The following SPTBN1 variants were observed in gnomAD, a reference collection of about 807,000 sequenced individuals.
SPTBN1 encodes spectrin beta, non-erythrocytic 1.
Under a neutral mutation model 266.4 loss-of-function variants are expected in SPTBN1, and 32 were observed. That is an observed-to-expected ratio of 0.12 (90% CI 0.09 to 0.16). SPTBN1 has a LOEUF of 0.16. Among genes scored for constraint, SPTBN1 ranks in the 10% least tolerant of loss-of-function variants. The pLI is 1.00. For missense variants in SPTBN1, 2,296 were observed against 3,067.1 expected, an observed-to-expected ratio of 0.75 and a Z score of 5.94; for synonymous variants, 1,336 against 1,162.2, an observed-to-expected ratio of 1.15 and a Z score of -3.04.
At position 54,626,580 on chromosome 2, in the gene SPTBN1, A is replaced by T. The variant is rs1310331742; in HGVS notation, c.1644+346A>T. Reference sequence around the variant, plus strand: ...CATTGATCTGTGAGTGAGTGGTACTACTTTGGGCAGGGGTCCCGGAGAGGT... The same window carrying T: ...CATTGATCTGTGAGTGAGTGGTACTTCTTTGGGCAGGGGTCCCGGAGAGGT... On this transcript the variant is annotated intron_variant, in intron 12 of 35. Coordinates refer to ENST00000356805, the MANE Select transcript of SPTBN1 (RefSeq NM_003128.3). This position sits in a 1 kb window ranked among gnomAD's most constrained non-coding sequence, Gnocchi z 4.7. Among the ~76,000 whole-genome samples, 1 of 152,104 alleles carries T rather than the reference A, an allele frequency of 6.6e-6. No homozygotes were observed. The highest frequency in any genetic ancestry group is 1.5e-5 in the Non-Finnish European group (1 of 68,014).
chr2:54,662,200 A>G (rs1455516045), intron 32 of SPTBN1: 1 of 985,306 alleles, frequency 1.0e-6, no homozygotes, highest in Non-Finnish European at 1.2e-6. Flanking sequence ...ACATGTACCC[A>G]TCATTTGATC....
chr2:54,660,371 A>T, intron 32 of SPTBN1: 1 of 1,173,736 alleles, frequency 8.5e-7, no homozygotes, highest in Non-Finnish European at 1.1e-6. Flanking sequence ...AAATGAGATT[A>T]CAGCATAATG....
At position 54,668,994 on chromosome 2, in the gene SPTBN1, C is replaced by G. The variant is rs142713694; in HGVS notation, c.*425C>G. 2.5e-4 allele frequency: 54 copies of G among 212,736 alleles called. No individual in the cohort carries two copies. The highest frequency in any genetic ancestry group is 4.9e-4 in the Non-Finnish European group (51 of 104,574). The allele number at this position is 212,736 out of a possible 1,614,324, so 13.2% of individuals were successfully genotyped here. A position where few individuals can be genotyped will look rare whatever the true frequency, so the allele number is the denominator to read the frequency against. ...TCTCCATTTACTTCTGGTGGTTACC[C>G]TGACTCTTGACTCTTAGAAGTGCCC... On this transcript the variant is annotated 3_prime_UTR_variant, in exon 36 of 36. Transcript: ENST00000356805.
At chr2:54,478,257 T>C (rs369693062) in intron 1 of SPTBN1, among the ~76,000 whole-genome samples, 1 of 152,102 alleles carries the variant, frequency 6.6e-6, no homozygotes, top group Non-Finnish European at 1.5e-5. Context: ...CGCTCGTGTT[T>C]CATGCCCTCA....
intron 1 of SPTBN1, among the ~76,000 whole-genome samples, chr2:54,503,243 G>A (rs1669366569): frequency 6.6e-6 from 1 of 152,214 alleles, no homozygotes; most frequent in Admixed American, 6.5e-5. Context: ...ATGGAGATAT[G>A]AACACAATTC....
Position 54,630,839 on chromosome 2 carries a change from G to C in SPTBN1, c.2808-16G>C. On this transcript the variant is annotated splice_polypyrimidine_tract_variant and intron_variant, in intron 15 of 35. Transcript: ENST00000356805. Reference sequence around the variant, plus strand: ...CTTCCCTTTTTCACACTCGCTGTCTGCCCCTGCACTCACAGGTGGAGCCAG... The same window carrying C: ...CTTCCCTTTTTCACACTCGCTGTCTCCCCCTGCACTCACAGGTGGAGCCAG... 1 of 1,553,002 alleles carries C rather than the reference G, an allele frequency of 6.4e-7. No individual in the cohort carries two copies.
intron 2 of SPTBN1, among the ~76,000 whole-genome samples, chr2:54,562,602 C>G (rs898498356): frequency 7.1e-6 from 1 of 141,028 alleles, no homozygotes; most frequent in Non-Finnish European, 1.5e-5. Flanking sequence ...ATGATCTTGG[C>G]TCACTGCAAC....
intron 9 of SPTBN1, 93 bp downstream of exon 9, chr2:54,622,580 C>T: frequency 7.0e-7 from 1 of 1,436,450 alleles, no homozygotes. Context: ...AATCTCATCT[C>T]TTAACTGAAT....
At chr2:54,579,900 A>G (rs1270828928) in intron 2 of SPTBN1, among the ~76,000 whole-genome samples, 1 of 152,246 alleles carries the variant, frequency 6.6e-6, no homozygotes, top group Non-Finnish European at 1.5e-5. Context: ...TTATAAACCC[A>G]AACCTCTGTG....
Position 54,671,377 on chromosome 2 carries a change from C to G in SPTBN1, c.*2808C>G, listed in dbSNP as rs910476971. 8.5e-5 allele frequency: 13 copies of G among 152,142 alleles called. 1 individual carries two copies. Among genetic ancestry groups the G allele is most frequent in the Admixed American group, 7.2e-4 (11 of 15,272 alleles). 9.4% of individuals were successfully genotyped at this position (152,142 alleles called of 1,614,324 possible). A position where few individuals can be genotyped will look rare whatever the true frequency, so the allele number is the denominator to read the frequency against. ...GTTAGAATTGCTTGTGTATGGGGAT[C>G]CTATGTTAGTTCCCCTGGATACATT... On this transcript the variant is annotated 3_prime_UTR_variant, in exon 36 of 36. Coordinates refer to ENST00000356805, the MANE Select transcript of SPTBN1 (RefSeq NM_003128.3).
At position 54,626,078 on chromosome 2, in the gene SPTBN1, C is replaced by G. The variant is rs1222115944; in HGVS notation, c.1488C>G (p.Ile496Met). 6.2e-7 allele frequency: 1 copy of G among 1,614,164 alleles called. No homozygotes were observed. Among genetic ancestry groups the G allele is most frequent in the South Asian group, 1.1e-5 (1 of 91,082 alleles). The change falls in exon 12 of 36, where the codon ATC becomes ATG. Residue 496 changes from isoleucine (I) to methionine (M), a missense_variant. This residue lies in a region of SPTBN1 where 434 missense variants were observed against 573.9 expected (regional missense o/e 0.76). Transcript: ENST00000356805. This position sits in a 1 kb window ranked among gnomAD's most constrained non-coding sequence, Gnocchi z 4.7. ...RELEAENYHD[I>M]KRITARKDNV... ...TCGAGGCCGAGAATTACCACGACAT[C>G]AAGCGCATCACAGCGAGGAAGGACA...
intron 18 of SPTBN1, among the ~76,000 whole-genome samples, chr2:54,641,596 G>C (rs1479512332): frequency 6.6e-6 from 1 of 152,160 alleles, no homozygotes; most frequent in African/African-American, 2.4e-5. Flanking sequence ...AGGACTTTAT[G>C]AGATTTGCTA....
chr2:54,486,434 C>T (rs1244843702), intron 1 of SPTBN1, among the ~76,000 whole-genome samples: 3 of 152,174 alleles, frequency 2.0e-5, no homozygotes, highest in Non-Finnish European at 4.4e-5. Context: ...CAACCCTGTG[C>T]TCTCTGAACC....
At chr2:54,666,196 C>A (rs1314505126) in intron 34 of SPTBN1, 108 bp downstream of exon 34, 3 of 1,179,256 alleles carry the variant, frequency 2.5e-6, no homozygotes, top group Non-Finnish European at 2.4e-6. Context: ...CTGTCTTCTG[C>A]CATTTTAAAT....
At chr2:54,667,305 A>C (rs1444436613) in intron 34 of SPTBN1, among the ~76,000 whole-genome samples, 1 of 152,230 alleles carries the variant, frequency 6.6e-6, no homozygotes, top group Non-Finnish European at 1.5e-5. Context: ...TCAGGCATCC[A>C]CAAGTGATTT....
intron 29 of SPTBN1, 104 bp downstream of exon 29, chr2:54,656,102 G>A (rs766576855): frequency 5.8e-6 from 6 of 1,030,664 alleles, no homozygotes; most frequent in Non-Finnish European, 7.0e-6. Flanking sequence ...AAGATTGTTC[G>A]AGTTGTAGAT....
intron 1 of SPTBN1, among the ~76,000 whole-genome samples, chr2:54,496,902 A>T (rs893588904): frequency 5.9e-5 from 9 of 152,228 alleles, no homozygotes; most frequent in African/African-American, 2.2e-4. Flanking sequence ...TGCTCATGGA[A>T]GTATTGAGAA....
intron 7 of SPTBN1, among the ~76,000 whole-genome samples, chr2:54,619,429 G>C (rs944292957): frequency 6.6e-6 from 1 of 152,114 alleles, no homozygotes; most frequent in Non-Finnish European, 1.5e-5. Context: ...CCCTATCGCA[G>C]TGACAACATT....
Position 54,533,784 on chromosome 2 carries a change from C to G in SPTBN1, c.148+7218C>G, listed in dbSNP as rs1384731119. ...CAGGCTGGTCTCGAACTCCTGACCCCAGGTGATCCGCCCGCCTTGGCCTCC... is the reference window on the plus strand; with the variant it reads ...CAGGCTGGTCTCGAACTCCTGACCCGAGGTGATCCGCCCGCCTTGGCCTCC... On this transcript the variant is annotated intron_variant, in intron 2 of 35. Coordinates refer to ENST00000356805, the MANE Select transcript of SPTBN1 (RefSeq NM_003128.3). This position sits in a 1 kb window ranked among gnomAD's most constrained non-coding sequence, Gnocchi z 4.2. 1.3e-5 allele frequency among the ~76,000 whole-genome samples: 2 copies of G among 152,182 alleles called. No homozygotes were observed. Among genetic ancestry groups the G allele is most frequent in the African/African-American group, 4.8e-5 (2 of 41,442 alleles).
Sources: allele counts gnomAD v4.1 joint callset (sites outside exome capture counted in the v4.1 genomes callset), GRCh38; gene constraint gnomAD v4.1.1; regional missense constraint gnomAD v4.1.1; non-coding constraint Gnocchi (gnomAD v3.1); transcripts MANE v1.5; gene names NCBI Gene and HGNC (gene_info 2026-07-23, HGNC 2026-07-21).